Variants in EPB41L4A observed in about 807,000 individuals in gnomAD.
EPB41L4A encodes erythrocyte membrane protein band 4.1 like 4A, also known as band 4.1-like protein 4A.
A neutral mutation model predicts 108.6 loss-of-function variants in EPB41L4A; 100 were observed. The ratio of observed to expected loss-of-function variants is 0.92; its 90% CI spans 0.78 to 1.09. The LOEUF is 1.09. Among genes scored for constraint, EPB41L4A ranks in the 50% least tolerant of loss-of-function variants. The pLI is 0.00. For missense variants in EPB41L4A, 1,030 were observed against 842.7 expected (o/e 1.22, Z -2.75); for synonymous variants, 319 against 289.0 (o/e 1.10, Z -1.05).
At chr5:112,224,836 C>T (rs751516022) in intron 12 of EPB41L4A, among the ~76,000 whole-genome samples, 3 of 152,158 alleles carry the variant, frequency 2.0e-5, no homozygotes, top group Non-Finnish European at 4.4e-5. Context: ...AAAAGAAGAG[C>T]CACAATCACA....
intron 1 of EPB41L4A, among the ~76,000 whole-genome samples, chr5:112,366,284 C>T (rs1475510993): frequency 1.4e-5 from 2 of 147,952 alleles, no homozygotes; most frequent in African/African-American, 5.0e-5. Context: ...TAAATTGTCT[C>T]TAATCATTTT....
chr5:112,161,702 G>C (rs1229263581), downstream of EPB41L4A: 1 of 484,754 alleles, frequency 2.1e-6, no homozygotes, highest in Non-Finnish European at 4.1e-6. Context: ...TTTTTGTTCA[G>C]GTGGAAGATG....
chr5:112,217,633 G>C (rs925957686), intron 12 of EPB41L4A, among the ~76,000 whole-genome samples: 1 of 152,134 alleles, frequency 6.6e-6, no homozygotes, highest in Non-Finnish European at 1.5e-5. Flanking sequence ...GAGAGTTTGA[G>C]GTTACAATAA....
At chr5:112,415,600 C>G (rs570320753) in intron 1 of EPB41L4A, among the ~76,000 whole-genome samples, 4 of 152,262 alleles carry the variant, frequency 2.6e-5, no homozygotes, top group Non-Finnish European at 4.4e-5. Context: ...GAGCCACATT[C>G]AAGTTTTGCT....
chr5:112,245,022 G>A (rs1395426965), intron 9 of EPB41L4A, among the ~76,000 whole-genome samples: 3 of 151,474 alleles, frequency 2.0e-5, no homozygotes, highest in Admixed American at 6.6e-5. Context: ...TTGGAAAAAT[G>A]CTACCAACAG....
intron 1 of EPB41L4A, among the ~76,000 whole-genome samples, chr5:112,327,613 G>C (rs56212971): frequency 0.061 from 9,240 of 152,196 alleles, 309 homozygotes; most frequent in Non-Finnish European, 0.068. Context: ...CTACTCTGGA[G>C]GCTGGGTTGG....
intron 22 of EPB41L4A, 38 bp from the exon 23 acceptor site, chr5:112,165,156 A>G: frequency 1.3e-6 from 2 of 1,496,326 alleles, no homozygotes; most frequent in Non-Finnish European, 1.8e-6. Context: ...GATTCAGAAG[A>G]AAACAGCCAA....
At chr5:112,208,538 G>T (rs996575085) in intron 13 of EPB41L4A, among the ~76,000 whole-genome samples, 1 of 152,046 alleles carries the variant, frequency 6.6e-6, no homozygotes. Context: ...AGTACACATG[G>T]ACATAAAGAT....
chr5:112,161,661 T>A (rs3816657), downstream of EPB41L4A: 1 of 516,680 alleles, frequency 1.9e-6, no homozygotes, highest in Non-Finnish European at 3.9e-6. Context: ...CTGCTAGCCT[T>A]AAGTGTATGG....
intron 17 of EPB41L4A, among the ~76,000 whole-genome samples, chr5:112,186,363 C>T (rs182036863): frequency 6.6e-6 from 1 of 152,250 alleles, no homozygotes. Flanking sequence ...AGCTGGCTAC[C>T]CTCATACTCA....
At chr5:112,335,429 A>G (rs1339141136) in intron 1 of EPB41L4A, among the ~76,000 whole-genome samples, 1 of 152,238 alleles carries the variant, frequency 6.6e-6, no homozygotes, top group Non-Finnish European at 1.5e-5. Context: ...AGATCTATAT[A>G]GTTTAAGAGA....
chr5:112,298,136 T>C (rs1406798131), intron 2 of EPB41L4A, among the ~76,000 whole-genome samples: 1 of 152,180 alleles, frequency 6.6e-6, no homozygotes, highest in African/African-American at 2.4e-5. Context: ...ATATGAACTG[T>C]AGGATTGTTT....
intron 19 of EPB41L4A, 113 bp from the exon 20 acceptor site, chr5:112,170,482 G>A: frequency 7.2e-6 from 5 of 693,036 alleles, no homozygotes; most frequent in Non-Finnish European, 2.5e-6. Context: ...AACAGTGTTA[G>A]TAAAACTAAT....
intron 1 of EPB41L4A, among the ~76,000 whole-genome samples, chr5:112,349,270 G>C (rs886310855): frequency 2.0e-5 from 3 of 151,814 alleles, no homozygotes; most frequent in African/African-American, 7.3e-5. Context: ...TTTTTTTTTA[G>C]GATAGGAGAC....
chr5:112,151,579 T>G (rs551171603), intron 12 of EPB41L4A, among the ~76,000 whole-genome samples: 1 of 152,064 alleles, frequency 6.6e-6, no homozygotes, highest in Non-Finnish European at 1.5e-5. Context: ...AGATAATTTT[T>G]GTATTTCTTG....
intron 11 of EPB41L4A, among the ~76,000 whole-genome samples, chr5:112,239,038 C>T (rs755664057): frequency 1.8e-4 from 28 of 152,118 alleles, no homozygotes; most frequent in Non-Finnish European, 2.9e-4. Context: ...CCCACTTCCC[C>T]GCTTCCTAGC....
chr5:112,267,853 A>G (rs1026953544), intron 4 of EPB41L4A, among the ~76,000 whole-genome samples: 1 of 152,132 alleles, frequency 6.6e-6, no homozygotes, highest in Non-Finnish European at 1.5e-5. Flanking sequence ...TCCTTAAGAT[A>G]GCTTGTAAAA....
chr5:112,146,314 T>C (rs1271695098), intron 12 of EPB41L4A, among the ~76,000 whole-genome samples: 1 of 152,236 alleles, frequency 6.6e-6, no homozygotes, highest in Non-Finnish European at 1.5e-5. Flanking sequence ...AGATCTCTAA[T>C]GGAACAGCTG....
At position 112,190,694 on chromosome 5, in the gene EPB41L4A, G is replaced by C. The variant is rs116652909; in HGVS notation, c.1502+3874C>G. Reference sequence around the variant, plus strand: ...ACTCATTCAACAAAATGGATCAGTTGTTATAGCATACCTCCCCCCACTCCC... The same window carrying C: ...ACTCATTCAACAAAATGGATCAGTTCTTATAGCATACCTCCCCCCACTCCC... On this transcript the variant is annotated intron_variant, in intron 17 of 22. Coordinates refer to ENST00000261486, the MANE Select transcript of EPB41L4A (RefSeq NM_022140.5). 4.9e-3 allele frequency among the ~76,000 whole-genome samples: 751 copies of C among 152,224 alleles called. 5 individuals are homozygous for C. The highest frequency in any genetic ancestry group is 0.017 in the African/African-American group (694 of 41,542).
Sources: gnomAD v4.1 joint callset for allele counts (sites outside exome capture counted in the v4.1 genomes callset) on GRCh38, gnomAD v4.1.1 for gene constraint, MANE v1.5 for transcripts, NCBI Gene and HGNC (gene_info 2026-07-23, HGNC 2026-07-21) for gene names.